SLC6A16: variants seen among roughly 807,000 people sequenced by gnomAD.
SLC6A16 encodes the protein solute carrier family 6 member 16.
In SLC6A16, 54 loss-of-function variants were observed where a neutral mutation model predicts 65.4. The ratio of observed to expected loss-of-function variants is 0.83; its 90% CI spans 0.66 to 1.04. The LOEUF (loss-of-function observed/expected upper bound fraction) is 1.04. Ranked by LOEUF, SLC6A16 falls within the 50% of genes least tolerant of loss-of-function variation. SLC6A16 has a pLI of 0.00. For synonymous variants in SLC6A16, 330 were observed against 346.5 expected (o/e 0.95, Z 0.53); for missense variants, 816 against 914.0 (o/e 0.89, Z 1.38).
At chr19:49,290,477 A>G in intron 11 of SLC6A16, 85 bp from the exon 12 acceptor site, 2 of 1,565,502 alleles carry the variant, frequency 1.3e-6, no homozygotes, top group Non-Finnish European at 1.7e-6. Flanking sequence ...TGGGTGGGGA[A>G]CCAAAGCAGA....
At chr19:49,304,633 C>T (rs1350981178) in intron 7 of SLC6A16, among the ~76,000 whole-genome samples, 1 of 152,112 alleles carries the variant, frequency 6.6e-6, no homozygotes, top group Non-Finnish European at 1.5e-5. Context: ...GGCGTGGTGG[C>T]ACATGCCTGT....
In SLC6A16 at chr19:49,307,733, AGAAAAAG is replaced by A. The variant is rs1464252796; in HGVS notation, c.1229+1136_1229+1142del. Among the ~76,000 whole-genome samples, 644 of 113,380 alleles carry A rather than the reference AGAAAAAG, an allele frequency of 5.7e-3. 11 individuals carry two copies. Among genetic ancestry groups the A allele is most frequent in the African/African-American group, 0.02 (587 of 29,188 alleles). 74.4% of individuals were successfully genotyped at this position (113,380 alleles called of 152,430 possible). A position where few individuals can be genotyped will look rare whatever the true frequency, so the allele number is the denominator to read the frequency against. On this transcript the variant is annotated intron_variant, in intron 7 of 11. Transcript: ENST00000335875. The stretch of plus-strand genomic sequence containing the variant: ...GAAGAGGAGGAGGAAGCAAAAAAAA[AGAAAAAG>A]AAAAAAAAGAAAAAGAAAAAAAAAA...
chr19:49,303,348 A>G (rs1015884100), intron 7 of SLC6A16, among the ~76,000 whole-genome samples: 1 of 152,168 alleles, frequency 6.6e-6, no homozygotes, highest in Admixed American at 6.6e-5. Flanking sequence ...ACAACCAAGA[A>G]TACTTTAAAA....
At chr19:49,324,483 G>T (rs556718780) in intron 1 of SLC6A16, among the ~76,000 whole-genome samples, 1 of 152,246 alleles carries the variant, frequency 6.6e-6, no homozygotes, top group East Asian at 1.9e-4. Flanking sequence ...AGCCCCAGGC[G>T]GACTCCTCTT....
the SLC6A16 span, chr19:49,335,399 G>A: frequency 7.2e-6 from 5 of 694,952 alleles, no homozygotes; most frequent in Admixed American, 4.8e-5. This position sits in a 1 kb window ranked among gnomAD's most constrained non-coding sequence, Gnocchi z 4.6. Flanking sequence ...CCCACCCCTG[G>A]AACTTCCTCT....
At position 49,290,593 on chromosome 19, in the gene SLC6A16, G is replaced by A; in HGVS notation, c.1941+12C>T. 6.2e-7 allele frequency: 1 copy of A among 1,613,946 alleles called. No homozygotes were observed. Among genetic ancestry groups the A allele is most frequent in the East Asian group, 2.2e-5 (1 of 44,882 alleles). ...ACTCCCAAAGGGGTTCTGGGTCCTG[G>A]GGGAGGCTCACGGTGCTTGAGTCCC... On this transcript the variant is annotated intron_variant, in intron 11 of 11. Coordinates refer to ENST00000335875, the MANE Select transcript of SLC6A16 (RefSeq NM_014037.3).
intron 1 of SLC6A16, among the ~76,000 whole-genome samples, chr19:49,313,625 CAAAAAAAAAA>C (rs902187308): frequency 2.1e-5 from 1 of 47,386 alleles, no homozygotes; most frequent in Non-Finnish European, 5.0e-5. Flanking sequence ...ACTAAAAATG[CAAAAAAAAAA>C]AAAAAAAAAA....
chr19:49,303,299 G>C (rs778364333), intron 7 of SLC6A16, among the ~76,000 whole-genome samples: 6 of 152,110 alleles, frequency 3.9e-5, no homozygotes, highest in Admixed American at 2.0e-4. Context: ...GTCCAGGAGA[G>C]AGTAAGATGA....
the SLC6A16 span, chr19:49,335,664 C>T: frequency 1.9e-6 from 3 of 1,610,108 alleles, no homozygotes; most frequent in Non-Finnish European, 2.5e-6. The surrounding 1 kb of genome is among the most constrained non-coding windows in gnomAD (Gnocchi z 4.6). Context: ...CTAACCCAGC[C>T]CTCATCTTCC....
At chr19:49,326,296 A>C (rs1382909356), upstream of SLC6A16, among the ~76,000 whole-genome samples, 1 of 152,164 alleles carries the variant, frequency 6.6e-6, no homozygotes, top group Non-Finnish European at 1.5e-5. Context: ...TTCTGCACTG[A>C]GTGTGTCAAA....
chr19:49,302,914 A>AT (rs1240220392), intron 7 of SLC6A16, among the ~76,000 whole-genome samples: 1 of 152,122 alleles, frequency 6.6e-6, no homozygotes, highest in Non-Finnish European at 1.5e-5. Context: ...CAAAGACATC[A>AT]TTTTAAATCA....
At chr19:49,337,479 G>T in the SLC6A16 span, 4 of 611,726 alleles carry the variant, frequency 6.5e-6, no homozygotes, top group Non-Finnish European at 1.1e-5. Flanking sequence ...AAAAAAATCC[G>T]GGTGTGATGG....
At chr19:49,331,748 T>C in the SLC6A16 span, 1 of 457,326 alleles carries the variant, frequency 2.2e-6, no homozygotes, top group South Asian at 1.5e-5. Context: ...GTGTCCCTTC[T>C]GCACCCATTC....
chr19:49,294,684 G>T, intron 7 of SLC6A16, 131 bp from the exon 8 acceptor site: 1 of 856,866 alleles, frequency 1.2e-6, no homozygotes, highest in Non-Finnish European at 1.8e-6. Flanking sequence ...TAGAGCCTGG[G>T]ATGAATCCTA....
In SLC6A16 at chr19:49,314,039, T is replaced by A. The variant is rs200428915; in HGVS notation, c.-64-2628A>T. On this transcript the variant is annotated intron_variant, in intron 1 of 11. Coordinates refer to ENST00000335875, the MANE Select transcript of SLC6A16 (RefSeq NM_014037.3). The stretch of plus-strand genomic sequence containing the variant: ...TGAACCTGGGAAGCGGAGTTTGCAG[T>A]GAGCTGAGATCACGCCACTACACTC... 6.6e-5 allele frequency among the ~76,000 whole-genome samples: 10 copies of A among 151,354 alleles called. No individual in the cohort carries two copies. The East Asian group carries it at 1.9e-3, about 29-fold the overall frequency.
Position 49,321,050 on chromosome 19 carries a change from C to A in SLC6A16, c.-65+3998G>T, listed in dbSNP as rs73586401. Among the ~76,000 whole-genome samples, 1,129 of 152,134 alleles carry A rather than the reference C, an allele frequency of 7.4e-3. 11 individuals carry two copies. Among genetic ancestry groups the A allele is most frequent in the African/African-American group, 0.025 (1,050 of 41,520 alleles). Reference sequence around the variant, plus strand: ...CCCTAATACCAGAGCCATACAAAGACATTATAAGAAAAGAACACTACAGAC... The same window carrying A: ...CCCTAATACCAGAGCCATACAAAGAAATTATAAGAAAAGAACACTACAGAC... On this transcript the variant is annotated intron_variant, in intron 1 of 11. Coordinates refer to ENST00000335875, the MANE Select transcript of SLC6A16 (RefSeq NM_014037.3).
At chr19:49,338,946 G>T in the SLC6A16 span, 1 of 1,605,848 alleles carries the variant, frequency 6.2e-7, no homozygotes, top group African/African-American at 1.3e-5. This position sits in a 1 kb window ranked among gnomAD's most constrained non-coding sequence, Gnocchi z 5.0. Context: ...GGTGGGCAGG[G>T]GTTCGGAGCA....
chr19:49,329,471 TGAGA>T (rs1970827468), upstream of SLC6A16, among the ~76,000 whole-genome samples: 1 of 152,030 alleles, frequency 6.6e-6, no homozygotes, highest in African/African-American at 2.4e-5. Flanking sequence ...GTTTGGGGTC[TGAGA>T]GAAAGAGAGG....
chr19:49,339,562 A>T, the SLC6A16 span: 19 of 1,461,754 alleles, frequency 1.3e-5, no homozygotes, highest in Non-Finnish European at 1.7e-5. This position sits in a 1 kb window ranked among gnomAD's most constrained non-coding sequence, Gnocchi z 4.5. Context: ...CCAGCACCGG[A>T]GGGTGGGGGC....
Sources: gnomAD v4.1 joint callset for allele counts (sites outside exome capture counted in the v4.1 genomes callset) on GRCh38, gnomAD v4.1.1 for gene constraint, Gnocchi (gnomAD v3.1) non-coding constraint, MANE v1.5 for transcripts, NCBI Gene and HGNC (gene_info 2026-07-23, HGNC 2026-07-21) for gene names.